LNX1: variants seen among roughly 807,000 people sequenced by gnomAD.
LNX1 encodes ligand of numb-protein X 1, also known as E3 ubiquitin-protein ligase LNX.
A neutral mutation model predicts 68.4 loss-of-function variants in LNX1; 54 were observed. The observed-to-expected ratio is 0.79, with a 90% confidence interval of 0.63 to 0.99. LNX1 has a LOEUF of 0.99. Ranked by LOEUF, LNX1 falls within the 50% of genes least tolerant of loss-of-function variation. The pLI, the probability that LNX1 is intolerant of heterozygous loss-of-function variation, is 0.00. For missense variants in LNX1, 906 were observed against 926.4 expected (o/e 0.98, Z 0.29); for synonymous variants, 336 against 350.0 (o/e 0.96, Z 0.45).
intron 2 of LNX1, among the ~76,000 whole-genome samples, chr4:53,510,492 T>G (rs1190397428): frequency 6.6e-6 from 1 of 152,212 alleles, no homozygotes; most frequent in East Asian, 1.9e-4. Flanking sequence ...GCTGGAAGAG[T>G]TCAAATTCCT....
intron 2 of LNX1, among the ~76,000 whole-genome samples, chr4:53,548,870 C>T (rs992727670): frequency 2.0e-5 from 3 of 152,174 alleles, no homozygotes; most frequent in Non-Finnish European, 1.5e-5. Context: ...TCATGTCTTT[C>T]ACAGGAACAT....
intron 1 of LNX1, among the ~76,000 whole-genome samples, chr4:53,576,942 T>C (rs1057388590): frequency 6.6e-5 from 10 of 152,282 alleles, no homozygotes; most frequent in Admixed American, 2.6e-4. Context: ...TGCAGTAATA[T>C]GCCTGAGAGG....
At chr4:53,581,606 G>A (rs7681869) in intron 1 of LNX1, among the ~76,000 whole-genome samples, 40,306 of 152,016 alleles carry the variant, frequency 0.27, 5,426 homozygotes, top group Admixed American at 0.31. Flanking sequence ...GGTGGCAGGC[G>A]AGAGAACATG....
chr4:53,500,315 T>G (rs1725380890), intron 4 of LNX1: 2 of 151,772 alleles, frequency 1.3e-5, no homozygotes, highest in Non-Finnish European at 2.9e-5. Context: ...CAACAAGTGA[T>G]GGGAACAAGC....
chr4:53,625,370 C>T (rs1162430001), intron 1 of LNX1, among the ~76,000 whole-genome samples: 1 of 151,742 alleles, frequency 6.6e-6, no homozygotes, highest in Admixed American at 6.6e-5. Context: ...TGTAACTCAA[C>T]AATAAAAAGA....
exon 1 of LNX1, chr4:53,652,310 A>T (rs1735139512): frequency 6.6e-6 from 1 of 152,112 alleles, no homozygotes; most frequent in Non-Finnish European, 1.5e-5. Context: ...TATGCATGAA[A>T]ACTGCTCCAC....
intron 9 of LNX1, among the ~76,000 whole-genome samples, chr4:53,470,204 C>T (rs766538360): frequency 6.4e-4 from 98 of 152,252 alleles, no homozygotes; most frequent in African/African-American, 1.6e-3. Context: ...AATCAATAAA[C>T]GTAATCCAGC....
chr4:53,498,591 A>T, intron 5 of LNX1, 50 bp downstream of exon 5: 1 of 1,423,574 alleles, frequency 7.0e-7, no homozygotes, highest in Non-Finnish European at 9.9e-7. Flanking sequence ...GCTCAGAAGC[A>T]TTTTTTTATA....
At chr4:53,565,350 G>C (rs924937821) in intron 2 of LNX1, among the ~76,000 whole-genome samples, 1 of 151,950 alleles carries the variant, frequency 6.6e-6, no homozygotes, top group Admixed American at 6.5e-5. Context: ...CCTGACCCCC[G>C]AGCAGCCTAA....
intron 2 of LNX1, among the ~76,000 whole-genome samples, chr4:53,510,409 T>C (rs544128275): frequency 6.6e-6 from 1 of 152,360 alleles, no homozygotes; most frequent in African/African-American, 2.4e-5. Context: ...GGAGTTTGGT[T>C]ATACAACCTT....
intron 1 of LNX1, among the ~76,000 whole-genome samples, chr4:53,586,114 C>G (rs1732155172): frequency 6.6e-6 from 1 of 151,324 alleles, no homozygotes. Flanking sequence ...GACTGTTAGA[C>G]TAAATTTGCA....
At position 53,498,855 on chromosome 4, in the gene LNX1, A is replaced by C. The variant is rs1725266363; in HGVS notation, c.776-12T>G. The C allele has an allele frequency of 6.2e-7, 1 of 1,607,336 alleles. No individual in the cohort carries two copies. The highest frequency in any genetic ancestry group is 2.2e-5 in the East Asian group (1 of 44,842). ...CAACCTTGGAAAGACTGAAATGGAC[A>C]AAGAGTGTTTATTTAAGACACCCAC... On this transcript the variant is annotated splice_polypyrimidine_tract_variant and intron_variant, in intron 4 of 10. Transcript: ENST00000263925.
At chr4:53,628,568 G>C (rs1734158061) in intron 1 of LNX1, among the ~76,000 whole-genome samples, 1 of 152,258 alleles carries the variant, frequency 6.6e-6, no homozygotes, top group South Asian at 2.1e-4. Flanking sequence ...ACAGTATGGT[G>C]ATTCCTTAAA....
At chr4:53,576,820 C>A (rs1236626369) in intron 1 of LNX1, among the ~76,000 whole-genome samples, 7 of 152,126 alleles carry the variant, frequency 4.6e-5, no homozygotes, top group South Asian at 2.1e-4. Flanking sequence ...TATCTCTTTT[C>A]TTTTCCAAAT....
At chr4:53,505,590 G>C (rs2109506962) in intron 4 of LNX1, among the ~76,000 whole-genome samples, 1 of 152,294 alleles carries the variant, frequency 6.6e-6, no homozygotes, top group East Asian at 1.9e-4. Context: ...GAATTGAAGA[G>C]TCTTTAATAA....
chr4:53,586,087 C>T (rs1732153982), intron 1 of LNX1, among the ~76,000 whole-genome samples: 1 of 151,606 alleles, frequency 6.6e-6, no homozygotes, highest in Admixed American at 6.6e-5. Flanking sequence ...AGTTAGAATA[C>T]AGATGCTTTC....
At chr4:53,641,891 G>A (rs2109885874) in intron 1 of LNX1, among the ~76,000 whole-genome samples, 1 of 152,246 alleles carries the variant, frequency 6.6e-6, no homozygotes, top group East Asian at 1.9e-4. Context: ...ATTGCATTGT[G>A]TGGACACAGC....
At position 53,582,651 on chromosome 4, in the gene LNX1, A is replaced by G. The variant is rs756079062; in HGVS notation, c.-86-8563T>C. 1.2e-4 allele frequency among the ~76,000 whole-genome samples: 19 copies of G among 152,148 alleles called. No homozygotes were observed. The South Asian group carries it at 1.4e-3, about 12-fold the overall frequency. ...TTTCAAACACACAAGGGCTAACTCT[A>G]TATCAGATTATTTCTGAGGTTACTT... On this transcript the variant is annotated intron_variant, in intron 1 of 10. Coordinates refer to ENST00000263925, the MANE Select transcript of LNX1 (RefSeq NM_001126328.3).
chr4:53,498,499 A>G, intron 5 of LNX1, 142 bp downstream of exon 5: 1 of 641,808 alleles, frequency 1.6e-6, no homozygotes, highest in Middle Eastern at 4.0e-4. Context: ...CAAATCTCAG[A>G]GAGTCATAAA....
Sources: gnomAD v4.1 joint callset for allele counts (sites outside exome capture counted in the v4.1 genomes callset) on GRCh38, gnomAD v4.1.1 for gene constraint, MANE v1.5 for transcripts, NCBI Gene and HGNC (gene_info 2026-07-23, HGNC 2026-07-21) for gene names.